Variants in IMMP2L observed in about 807,000 individuals in gnomAD.
IMMP2L encodes the protein mitochondrial inner membrane protease subunit 2.
IMMP2L carries 18 observed loss-of-function variants against 19.3 expected under a neutral mutation model. That is an observed-to-expected ratio of 0.93 (90% CI 0.64 to 1.38). IMMP2L has a LOEUF of 1.38. IMMP2L is among the 40% of genes most tolerant of loss of function. IMMP2L has a pLI of 0.00. For synonymous variants in IMMP2L, 76 were observed against 73.0 expected (o/e 1.04, Z -0.21); for missense variants, 233 against 218.2 (o/e 1.07, Z -0.43).
rs1011167311 is a variant in IMMP2L at position 111,203,661 on chromosome 7, C to T, written c.240-240096G>A. Among the ~76,000 whole-genome samples the T allele has an allele frequency of 1.3e-4, 19 of 147,848 alleles. 1 individual carries two copies. The highest frequency in any genetic ancestry group is 4.7e-4 in the African/African-American group (19 of 40,040). ...CTACTTGTTCTGCTTCTATCACCAT[C>T]AAACATTAGGTAAAATAATTCTTCT... On this transcript the variant is annotated intron_variant, in intron 3 of 5. Transcript: ENST00000405709.
At chr7:110,899,530 A>C (rs1811654008) in intron 4 of IMMP2L, among the ~76,000 whole-genome samples, 1 of 152,178 alleles carries the variant, frequency 6.6e-6, no homozygotes, top group Non-Finnish European at 1.5e-5. Flanking sequence ...GTTTTATAGA[A>C]TATCAAATAA....
rs1296620318 is a variant in IMMP2L, at chr7:111,272,619, T to C, written c.239+214619A>G. Among the ~76,000 whole-genome samples the C allele has an allele frequency of 9.2e-5, 14 of 152,184 alleles. No homozygotes were observed. In the East Asian group the frequency reaches 1.7e-3, roughly 19 times the overall value. On this transcript the variant is annotated intron_variant, in intron 3 of 5. Transcript: ENST00000405709. ...TGATTGGCTGATACATAGACTATTA[T>C]AAAAATTTTTATGTGTTAATAGAGA...
intron 3 of IMMP2L, among the ~76,000 whole-genome samples, chr7:111,173,163 C>A (rs981623890): frequency 6.6e-6 from 1 of 151,458 alleles, no homozygotes. Flanking sequence ...GTGTTGCAGT[C>A]ATTGGAAGAT....
At chr7:110,722,072 G>T (rs1795611714) in intron 5 of IMMP2L, among the ~76,000 whole-genome samples, 1 of 152,000 alleles carries the variant, frequency 6.6e-6, no homozygotes, top group African/African-American at 2.4e-5. Context: ...AAGATGAATA[G>T]GATGTCAATA....
intron 5 of IMMP2L, among the ~76,000 whole-genome samples, chr7:110,867,258 T>C (rs1366778425): frequency 1.3e-5 from 2 of 151,980 alleles, no homozygotes; most frequent in African/African-American, 4.8e-5. Context: ...TGTTCTCATA[T>C]GGCACAGAGC....
chr7:111,255,006 T>C (rs1448031203), intron 3 of IMMP2L, among the ~76,000 whole-genome samples: 1 of 152,044 alleles, frequency 6.6e-6, no homozygotes, highest in African/African-American at 2.4e-5. Context: ...TAACCAAATA[T>C]AACTACTTTA....
chr7:111,432,796 AC>A (rs1019390645), intron 3 of IMMP2L, among the ~76,000 whole-genome samples: 1 of 151,412 alleles, frequency 6.6e-6, no homozygotes, highest in Admixed American at 6.6e-5. Context: ...TATCTAGAGA[AC>A]CCTAAAGATT....
chr7:111,331,183 C>T (rs1825838378), intron 3 of IMMP2L, among the ~76,000 whole-genome samples: 1 of 151,784 alleles, frequency 6.6e-6, no homozygotes, highest in South Asian at 2.1e-4. Context: ...ACCTAAGTGC[C>T]CATCAATGGA....
intron 5 of IMMP2L, among the ~76,000 whole-genome samples, chr7:110,748,861 A>G (rs576283674): frequency 3.2e-4 from 48 of 152,342 alleles, no homozygotes; most frequent in Non-Finnish European, 4.7e-4. Context: ...TGACTGAAAC[A>G]CCGAAAGCAA....
chr7:111,439,031 T>A (rs1397355418), intron 3 of IMMP2L, among the ~76,000 whole-genome samples: 1 of 151,828 alleles, frequency 6.6e-6, no homozygotes, highest in Non-Finnish European at 1.5e-5. Flanking sequence ...GTGGACACAA[T>A]GTGAAATCAA....
At chr7:110,820,561 GAC>G (rs375879074) in intron 5 of IMMP2L, among the ~76,000 whole-genome samples, 3 of 150,566 alleles carry the variant, frequency 2.0e-5, no homozygotes, top group Non-Finnish European at 3.0e-5. Context: ...AGTATTATCT[GAC>G]ACACACACAC....
At chr7:111,073,899 A>G (rs1795167778) in intron 3 of IMMP2L, among the ~76,000 whole-genome samples, 1 of 152,116 alleles carries the variant, frequency 6.6e-6, no homozygotes, top group Non-Finnish European at 1.5e-5. Context: ...TGTATTTGGG[A>G]TAAATTGTTG....
rs770897902 is a variant in IMMP2L, at chr7:111,123,813, T to G, written c.240-160248A>C. 3.1e-6 allele frequency: 5 copies of G among 1,614,002 alleles called. No homozygotes were observed. The Admixed American group carries it at 8.3e-5, about 27-fold the overall frequency. Reference sequence around the variant, plus strand: ...TCATGCTGAACAGCAATGCTCTCAGTGCCCTGTACCATGGTACCATTGAGT... The same window carrying G: ...TCATGCTGAACAGCAATGCTCTCAGGGCCCTGTACCATGGTACCATTGAGT... On this transcript the variant is annotated intron_variant, in intron 3 of 5. Transcript: ENST00000405709. This position sits in a 1 kb window ranked among gnomAD's most constrained non-coding sequence, Gnocchi z 6.4.
chr7:110,917,699 G>C (rs942614627), intron 4 of IMMP2L, among the ~76,000 whole-genome samples: 2 of 152,268 alleles, frequency 1.3e-5, no homozygotes, highest in African/African-American at 4.8e-5. Flanking sequence ...CGGGAAACAA[G>C]GTGGACGGGT....
At chr7:111,466,904 A>C (rs1446756487) in intron 3 of IMMP2L, among the ~76,000 whole-genome samples, 1 of 152,190 alleles carries the variant, frequency 6.6e-6, no homozygotes, top group Non-Finnish European at 1.5e-5. Context: ...AATGATGTCC[A>C]TAGGTTATAT....
At chr7:111,227,935 G>C (rs1255035335) in intron 3 of IMMP2L, among the ~76,000 whole-genome samples, 1 of 152,044 alleles carries the variant, frequency 6.6e-6, no homozygotes, top group Non-Finnish European at 1.5e-5. Context: ...CTATTAATCT[G>C]TTGTCTCATT....
intron 2 of IMMP2L, among the ~76,000 whole-genome samples, chr7:111,500,181 C>G (rs983130118): frequency 1.3e-5 from 2 of 152,126 alleles, no homozygotes; most frequent in African/African-American, 4.8e-5. Flanking sequence ...CTCAGAGGGT[C>G]CTATGCCCAT....
chr7:110,933,618 C>T (rs920835392), intron 4 of IMMP2L, among the ~76,000 whole-genome samples: 13 of 152,274 alleles, frequency 8.5e-5, no homozygotes, highest in Non-Finnish European at 1.8e-4. Context: ...ATCATTGATG[C>T]TCAGCCTATT....
At chr7:110,851,499 T>C (rs949962274) in intron 5 of IMMP2L, among the ~76,000 whole-genome samples, 5 of 152,284 alleles carry the variant, frequency 3.3e-5, no homozygotes, top group Non-Finnish European at 7.4e-5. Context: ...TTTGAAGATA[T>C]GATTCTGAAA....
Sources: gnomAD v4.1 joint callset for allele counts (sites outside exome capture counted in the v4.1 genomes callset) on GRCh38, gnomAD v4.1.1 for gene constraint, Gnocchi (gnomAD v3.1) non-coding constraint, MANE v1.5 for transcripts, NCBI Gene and HGNC (gene_info 2026-07-23, HGNC 2026-07-21) for gene names.